ERC2: variants seen among roughly 807,000 people sequenced by gnomAD.
ERC2 encodes the protein ELKS/RAB6-interacting/CAST family member 2.
In ERC2, 42 loss-of-function variants were observed where a neutral mutation model predicts 114.8. The observed-to-expected ratio is 0.37, with a 90% confidence interval of 0.29 to 0.47. ERC2 has a LOEUF of 0.47. Among genes scored for constraint, ERC2 ranks in the 20% least tolerant of loss-of-function variants. ERC2 has a pLI of 0.99. For synonymous variants in ERC2, 454 were observed against 425.5 expected (o/e 1.07, Z -0.82); for missense variants, 939 against 1,150.7 (o/e 0.82, Z 2.66).
At chr3:55,984,824 G>A (rs1175994724) in intron 12 of ERC2, among the ~76,000 whole-genome samples, 1 of 152,196 alleles carries the variant, frequency 6.6e-6, no homozygotes, top group African/African-American at 2.4e-5. Context: ...GAGTGGCAGA[G>A]AAGTATTCAA....
chr3:55,589,183 G>A (rs1233936170), intron 17 of ERC2, among the ~76,000 whole-genome samples: 5 of 135,932 alleles, frequency 3.7e-5, no homozygotes, highest in Non-Finnish European at 7.6e-5. Flanking sequence ...TTTGAGACCA[G>A]CCTGGGCAAC....
At chr3:55,706,660 C>T (rs1188629486) in intron 15 of ERC2, among the ~76,000 whole-genome samples, 2 of 152,164 alleles carry the variant, frequency 1.3e-5, no homozygotes, top group Non-Finnish European at 2.9e-5. Flanking sequence ...GATCCACCCA[C>T]CTCAGCCTCC....
chr3:55,749,702 C>A (rs2005178), intron 14 of ERC2, among the ~76,000 whole-genome samples: 33,285 of 151,978 alleles, frequency 0.22, 4,195 homozygotes, highest in Admixed American at 0.31. Context: ...AGAACATGGG[C>A]GGGGACAATA....
chr3:56,101,539 G>A (rs1227386859), intron 6 of ERC2, among the ~76,000 whole-genome samples: 3 of 151,992 alleles, frequency 2.0e-5, no homozygotes, highest in Non-Finnish European at 4.4e-5. Flanking sequence ...TTTAGAGAAG[G>A]GAAGTGAGCC....
intron 7 of ERC2, among the ~76,000 whole-genome samples, chr3:56,023,339 C>T (rs897515016): frequency 6.6e-6 from 1 of 152,160 alleles, no homozygotes; most frequent in Admixed American, 6.5e-5. Context: ...TACATGAGGC[C>T]CTCCGAGGGA....
intron 14 of ERC2, among the ~76,000 whole-genome samples, chr3:55,742,329 T>C (rs1296037703): frequency 2.0e-5 from 3 of 152,190 alleles, no homozygotes; most frequent in Non-Finnish European, 4.4e-5. Context: ...TTAATGATGA[T>C]TTGAGCTCTG....
intron 13 of ERC2, among the ~76,000 whole-genome samples, chr3:55,898,752 C>T (rs2063964744): frequency 6.6e-6 from 1 of 152,056 alleles, no homozygotes; most frequent in Admixed American, 6.6e-5. Flanking sequence ...AGATGCATCA[C>T]ATTTTTCATC....
At chr3:55,902,705 C>G (rs1008771357) in intron 13 of ERC2, among the ~76,000 whole-genome samples, 2 of 152,148 alleles carry the variant, frequency 1.3e-5, no homozygotes, top group Non-Finnish European at 2.9e-5. Context: ...TCTTTGTACC[C>G]CAGGGAAGGA....
At chr3:55,940,081 C>A (rs1449196200) in intron 13 of ERC2, among the ~76,000 whole-genome samples, 1 of 152,132 alleles carries the variant, frequency 6.6e-6, no homozygotes, top group Non-Finnish European at 1.5e-5. Flanking sequence ...AGAAGACTGA[C>A]TTCCCTAGAT....
At chr3:55,703,928 G>C (rs749984912) in intron 15 of ERC2, among the ~76,000 whole-genome samples, 5 of 152,136 alleles carry the variant, frequency 3.3e-5, no homozygotes, top group Non-Finnish European at 5.9e-5. Context: ...TAGCTAATTG[G>C]ACCCAGTGCA....
chr3:56,282,627 T>C (rs2054422685), intron 3 of ERC2, among the ~76,000 whole-genome samples: 1 of 152,100 alleles, frequency 6.6e-6, no homozygotes, highest in Non-Finnish European at 1.5e-5. Flanking sequence ...AGGAACTGAG[T>C]ACAGCACTGA....
intron 14 of ERC2, among the ~76,000 whole-genome samples, chr3:55,839,310 A>C (rs993882712): frequency 1.3e-5 from 2 of 151,866 alleles, no homozygotes; most frequent in African/African-American, 4.8e-5. Flanking sequence ...CTTCACTAGT[A>C]GATCTGCACC....
chr3:56,289,035 G>C (rs2054908299), intron 3 of ERC2, among the ~76,000 whole-genome samples: 1 of 152,130 alleles, frequency 6.6e-6, no homozygotes, highest in Admixed American at 6.5e-5. Flanking sequence ...GAAATGCCTT[G>C]TGTACTTGGG....
In ERC2 at chr3:56,444,990, G is replaced by A. The variant is rs999152048; in HGVS notation, c.-140-9843C>T. ...CAGGAGCCAGATGTTACCTGCAGATGTGCTGTGTATAGCTAGCACAGTGTT... is the reference window on the plus strand; with the variant it reads ...CAGGAGCCAGATGTTACCTGCAGATATGCTGTGTATAGCTAGCACAGTGTT... On this transcript the variant is annotated intron_variant, in intron 1 of 17. Transcript: ENST00000288221. 3.3e-5 allele frequency among the ~76,000 whole-genome samples: 5 copies of A among 152,240 alleles called. 1 individual carries two copies. The highest frequency in any genetic ancestry group is 7.2e-5 in the African/African-American group (3 of 41,474).
At chr3:55,988,290 G>A (rs1363160735) in intron 11 of ERC2, among the ~76,000 whole-genome samples, 1 of 152,086 alleles carries the variant, frequency 6.6e-6, no homozygotes, top group African/African-American at 2.4e-5. Context: ...CTTGCTCAAG[G>A]CCCACCACCC....
rs1289970752 is a variant in ERC2 at position 55,583,520 on chromosome 3, CCTCCCTTCCTTCCTTCCTTCCTTT to C, written c.*40-72268_*40-72245del. On this transcript the variant is annotated intron_variant, in intron 17 of 17. Coordinates refer to ENST00000288221, the MANE Select transcript of ERC2 (RefSeq NM_015576.3). ...CCTTCCCTCCCTCCCTCCCTCCCTCCCTCCCTTCCTTCCTTCCTTCCTTTCTTCCTTCCTTCCTTCCTTCCTTCC... is the reference window on the plus strand; with the variant it reads ...CCTTCCCTCCCTCCCTCCCTCCCTCCCTTCCTTCCTTCCTTCCTTCCTTCC... Among the ~76,000 whole-genome samples, 165 of 61,576 alleles carry C rather than the reference CCTCCCTTCCTTCCTTCCTTCCTTT, an allele frequency of 2.7e-3. 5 individuals carry two copies. Among genetic ancestry groups the C allele is most frequent in the East Asian group, 0.011 (30 of 2,692 alleles). The allele number at this position is 61,576 out of a possible 152,430, so 40.4% of individuals were successfully genotyped here.
chr3:55,560,463 C>T (rs2055929950), intron 17 of ERC2, among the ~76,000 whole-genome samples: 1 of 152,202 alleles, frequency 6.6e-6, no homozygotes, highest in South Asian at 2.1e-4. Flanking sequence ...AGAAATTGCA[C>T]TACCCAGAGA....
At chr3:56,077,965 C>A (rs9865648) in intron 7 of ERC2, among the ~76,000 whole-genome samples, 30,270 of 151,992 alleles carry the variant, frequency 0.2, 3,404 homozygotes, top group African/African-American at 0.3. Context: ...TACAGTGTTC[C>A]ATATAAGCAA....
chr3:55,857,051 A>AT (rs1003475103), intron 14 of ERC2, among the ~76,000 whole-genome samples: 6 of 144,000 alleles, frequency 4.2e-5, no homozygotes, highest in Admixed American at 7.1e-5. Context: ...GAGTATGAGT[A>AT]TTTTTTTGGG....
Sources: gnomAD v4.1 joint callset for allele counts (sites outside exome capture counted in the v4.1 genomes callset) on GRCh38, gnomAD v4.1.1 for gene constraint, MANE v1.5 for transcripts, NCBI Gene and HGNC (gene_info 2026-07-23, HGNC 2026-07-21) for gene names.